TPO: variants seen among roughly 807,000 people sequenced by gnomAD.
TPO encodes the protein thyroid microsomal antigen.
A neutral mutation model predicts 96.9 loss-of-function variants in TPO; 78 were observed. That is an observed-to-expected ratio of 0.81 (90% CI 0.67 to 0.97). The LOEUF is 0.97. Ranked by LOEUF, TPO falls within the 50% of genes least tolerant of loss-of-function variation. TPO has a pLI of 0.00. For missense variants in TPO, 1,252 were observed against 1,274.8 expected, an observed-to-expected ratio of 0.98 and a Z score of 0.27; for synonymous variants, 547 against 538.0, an observed-to-expected ratio of 1.02 and a Z score of -0.23.
At chr2:1,468,885 G>A (rs192940183) in intron 7 of TPO, among the ~76,000 whole-genome samples, 9 of 152,260 alleles carry the variant, frequency 5.9e-5, no homozygotes, top group Admixed American at 2.0e-4. Context: ...AGACATCTTG[G>A]AGGCTATCTT....
Position 1,484,620 on chromosome 2 carries a change from C to T in TPO, c.1363C>T (p.Pro455Ser). 6.2e-7 allele frequency: 1 copy of T among 1,614,150 alleles called. No homozygotes were observed. The highest frequency in any genetic ancestry group is 2.2e-5 in the East Asian group (1 of 44,874). The change falls in exon 9 of 17, where the codon CCC becomes TCC. Residue 455 changes from proline to serine, a missense_variant. By Grantham distance (74) the Pro-to-Ser change is moderately conservative. Coordinates refer to ENST00000329066, the MANE Select transcript of TPO (RefSeq NM_001206744.2). ...HQIITLRDYI[P>S]RILGPEAFQQ... ...GATCATCACCCTGAGGGATTACATC[C>T]CCAGGATCCTGGGACCCGAGGCCTT...
At chr2:1,532,264 G>C (rs1678470106) in intron 15 of TPO, among the ~76,000 whole-genome samples, 2 of 27,660 alleles carry the variant, frequency 7.2e-5, no homozygotes, top group African/African-American at 1.6e-4. Context: ...TCCCCCCACT[G>C]TGTGCAACCT....
At chr2:1,400,913 C>CA (rs1662157893) in intron 1 of TPO, among the ~76,000 whole-genome samples, 2 of 152,168 alleles carry the variant, frequency 1.3e-5, no homozygotes, top group Non-Finnish European at 2.9e-5. Flanking sequence ...ATCCTTGTGG[C>CA]AAAAAATCCA....
chr2:1,444,401 C>G (rs1479224994), intron 5 of TPO, among the ~76,000 whole-genome samples: 2 of 148,484 alleles, frequency 1.3e-5, no homozygotes, highest in Non-Finnish European at 3.0e-5. Context: ...ATGATCCAGT[C>G]ATTGCTGCAG....
chr2:1,411,614 T>A (rs557747749), upstream of TPO, among the ~76,000 whole-genome samples: 2 of 152,334 alleles, frequency 1.3e-5, no homozygotes, highest in South Asian at 4.1e-4. Context: ...CTTTACTCCA[T>A]CAGCTCCGGA....
At chr2:1,525,792 A>C (rs1314637973) in intron 15 of TPO, among the ~76,000 whole-genome samples, 4 of 143,668 alleles carry the variant, frequency 2.8e-5, no homozygotes, top group Non-Finnish European at 4.5e-5. Context: ...ACTGTGTGCA[A>C]CCTCACCAAA....
In TPO at chr2:1,496,725, C is replaced by T. The variant is rs1357366229; in HGVS notation, c.2346C>T (p.Cys782=). 3 of 1,614,138 alleles carry T rather than the reference C, an allele frequency of 1.9e-6. No individual in the cohort carries two copies. The highest frequency in any genetic ancestry group is 1.1e-5 in the South Asian group (1 of 91,076). Residue 782 remains cysteine (C), a synonymous_variant, in exon 13 of 17, where the codon TGC becomes TGT. Transcript: ENST00000329066. ...YELQGREQLT[C]TQEGWDFQPP... ...TCCAAGGCCGGGAGCAGCTCACTTG[C>T]ACCCAGGAAGGATGGGATTTCCAGC...
chr2:1,461,822 G>A (rs551608357), intron 7 of TPO, among the ~76,000 whole-genome samples: 4 of 152,214 alleles, frequency 2.6e-5, no homozygotes, highest in East Asian at 3.9e-4. Context: ...GCTGACATGC[G>A]GACCCTGTGT....
At chr2:1,443,429 A>G (rs1287031359) in intron 5 of TPO, among the ~76,000 whole-genome samples, 1 of 148,252 alleles carries the variant, frequency 6.7e-6, no homozygotes, top group East Asian at 2.1e-4. Flanking sequence ...GTTGGAAGGG[A>G]ATGGGCAGGC....
At chr2:1,422,395 G>GACT (rs1163151839) in intron 2 of TPO, among the ~76,000 whole-genome samples, 7 of 151,430 alleles carry the variant, frequency 4.6e-5, no homozygotes, top group African/African-American at 7.3e-5. Flanking sequence ...CGCCGCGCTG[G>GACT]GCCATGGGGA....
intron 14 of TPO, among the ~76,000 whole-genome samples, chr2:1,514,617 G>A (rs1421038720): frequency 6.6e-6 from 1 of 152,182 alleles, no homozygotes; most frequent in African/African-American, 2.4e-5. Flanking sequence ...AGGTCGGAAA[G>A]CCACTCCGGC....
chr2:1,456,372 T>C, intron 7 of TPO, 90 bp downstream of exon 7: 1 of 1,377,934 alleles, frequency 7.3e-7, no homozygotes, highest in Non-Finnish European at 1.0e-6. Context: ...AATGTGAAAG[T>C]CTGTTTCTTT....
At chr2:1,518,318 G>A (rs1467768043) in intron 15 of TPO, among the ~76,000 whole-genome samples, 1 of 152,184 alleles carries the variant, frequency 6.6e-6, no homozygotes, top group Non-Finnish European at 1.5e-5. Flanking sequence ...ACAGGAACTG[G>A]TTTTTAAAAA....
chr2:1,476,136 C>A (rs1669913561), intron 7 of TPO, among the ~76,000 whole-genome samples: 1 of 152,228 alleles, frequency 6.6e-6, no homozygotes, highest in Non-Finnish European at 1.5e-5. Context: ...CCGAGAGGAG[C>A]TTTCCCCTTA....
Position 1,487,992 on chromosome 2 carries a change from G to GTCTGCCAGT in TPO, c.1768+4_1768+12dup. Reference sequence around the variant, plus strand: ...AGGGGCCGGGACCACGGGCTGCCAGGTCTGCCAGTTCCTTCCCTTGCACAC... The same window carrying GTCTGCCAGT: ...AGGGGCCGGGACCACGGGCTGCCAGGTCTGCCAGTTCTGCCAGTTCCTTCCCTTGCACAC... On this transcript the variant is annotated splice_donor_variant, in intron 10 of 16. Transcript: ENST00000329066. LOFTEE classifies it high-confidence loss of function. 6.2e-7 allele frequency: 1 copy of GTCTGCCAGT among 1,612,742 alleles called. No homozygotes were observed. Among genetic ancestry groups the GTCTGCCAGT allele is most frequent in the African/African-American group, 1.3e-5 (1 of 75,024 alleles).
chr2:1,491,816 T>C (rs1671792697), intron 10 of TPO, among the ~76,000 whole-genome samples: 2 of 152,190 alleles, frequency 1.3e-5, no homozygotes, highest in Admixed American at 6.5e-5. Context: ...ACAGAGCCTC[T>C]TGACGGGGCA....
chr2:1,525,615 T>C (rs1676264340), intron 15 of TPO, among the ~76,000 whole-genome samples: 1 of 78,440 alleles, frequency 1.3e-5, no homozygotes, highest in Admixed American at 1.9e-4. Context: ...CCCCCCACTG[T>C]GTGCAACCTC....
rs80349086 is a variant in TPO, at chr2:1,523,786, C to T, written c.2618+6804C>T. On this transcript the variant is annotated intron_variant, in intron 15 of 16. Coordinates refer to ENST00000329066, the MANE Select transcript of TPO (RefSeq NM_001206744.2). ...CACTGTGTGCAACCTCTTCTAATCC[C>T]CTCACTGTGTGCAACCTCCCCAAAT... Among the ~76,000 whole-genome samples, 1,024 of 120,186 alleles carry T rather than the reference C, an allele frequency of 8.5e-3. 3 individuals are homozygous for T. The highest frequency in any genetic ancestry group is 0.02 in the Middle Eastern group (4 of 204). 78.8% of individuals were successfully genotyped at this position (120,186 alleles called of 152,430 possible). A position where few individuals can be genotyped will look rare whatever the true frequency, so the allele number is the denominator to read the frequency against.
At chr2:1,443,976 C>T (rs1445903722) in intron 5 of TPO, among the ~76,000 whole-genome samples, 4 of 129,444 alleles carry the variant, frequency 3.1e-5, no homozygotes, top group African/African-American at 9.1e-5. Context: ...GGGGCAGGCT[C>T]GTTCTTGTTT....
Sources: allele counts gnomAD v4.1 joint callset (sites outside exome capture counted in the v4.1 genomes callset), GRCh38; gene constraint gnomAD v4.1.1; transcripts MANE v1.5; gene names NCBI Gene and HGNC (gene_info 2026-07-23, HGNC 2026-07-21).